Variants in MATN2 observed in about 807,000 individuals in gnomAD.
The protein encoded by MATN2 is matrilin-2.
In MATN2, 69 loss-of-function variants were observed where a neutral mutation model predicts 103.2. The ratio of observed to expected loss-of-function variants is 0.67; its 90% CI spans 0.55 to 0.82. MATN2 has a LOEUF of 0.82. Ranked by LOEUF, MATN2 falls within the 40% of genes least tolerant of loss-of-function variation. The pLI is 0.00. For missense variants in MATN2, 1,023 were observed against 1,211.5 expected, an observed-to-expected ratio of 0.84 and a Z score of 2.31; for synonymous variants, 429 against 450.2, an observed-to-expected ratio of 0.95 and a Z score of 0.60.
chr8:98,033,857 G>GCAGT (rs1199551350), intron 18 of MATN2, 198 bp downstream of exon 18: 1 of 554,616 alleles, frequency 1.8e-6, no homozygotes, highest in East Asian at 2.9e-5. Flanking sequence ...CTTATTAGCA[G>GCAGT]CAGTCAAGCA....
chr8:97,994,619 G>T lies in MATN2; in HGVS notation c.1204+17G>T, dbSNP rs776806458. ...CCTGCAGAAGTAAGTTACAGTGGGA[G>T]TTGGAGAAGGGCTTGTTCTGCTAAA... On this transcript the variant is annotated intron_variant, in intron 7 of 18. Transcript: ENST00000254898. The T allele has an allele frequency of 6.2e-6, 10 of 1,606,386 alleles. No homozygotes were observed. Among genetic ancestry groups the T allele is most frequent in the Non-Finnish European group, 7.6e-6 (9 of 1,177,784 alleles).
chr8:97,907,539 G>A (rs1217634774), intron 2 of MATN2, among the ~76,000 whole-genome samples: 1 of 149,720 alleles, frequency 6.7e-6, no homozygotes, highest in Admixed American at 6.6e-5. Flanking sequence ...AGCCAGGATG[G>A]CCTCGATCTC....
Position 98,007,350 on chromosome 8 carries a change from A to C in MATN2, c.1450+123A>C. 6.4e-7 allele frequency: 1 copy of C among 1,551,884 alleles called. No homozygotes were observed. The highest frequency in any genetic ancestry group is 8.8e-7 in the Non-Finnish European group (1 of 1,137,180). On this transcript the variant is annotated intron_variant, in intron 9 of 18. Transcript: ENST00000254898. This position sits in a 1 kb window ranked among gnomAD's most constrained non-coding sequence, Gnocchi z 4.2. The stretch of plus-strand genomic sequence containing the variant: ...CCTGCCCCTTGCTCTGCTCCAGGAG[A>C]TAGTGAGGATGTCCACTGGGACTGC...
At chr8:97,911,758 G>A (rs1357288809) in intron 2 of MATN2, among the ~76,000 whole-genome samples, 1 of 152,112 alleles carries the variant, frequency 6.6e-6, no homozygotes, top group Non-Finnish European at 1.5e-5. Context: ...CACCTAGCTG[G>A]TAGCAGAGTG....
intron 4 of MATN2, among the ~76,000 whole-genome samples, chr8:97,956,100 C>T (rs747516720): frequency 1.2e-4 from 18 of 152,196 alleles, no homozygotes; most frequent in Admixed American, 2.6e-4. Flanking sequence ...GGCAGTGTTA[C>T]GCCTCCGTGA....
intron 4 of MATN2, among the ~76,000 whole-genome samples, chr8:97,944,886 G>A (rs1209864900): frequency 2.0e-5 from 3 of 152,170 alleles, no homozygotes; most frequent in African/African-American, 7.2e-5. Context: ...TAATCTCCCA[G>A]ATGAAAAGCC....
intron 1 of MATN2, among the ~76,000 whole-genome samples, chr8:97,877,931 A>C (rs965276189): frequency 6.6e-6 from 1 of 152,192 alleles, no homozygotes; most frequent in Non-Finnish European, 1.5e-5. Flanking sequence ...TTTAGCATGC[A>C]TAGCTTCCAT....
At chr8:97,905,447 A>G (rs1234334889) in intron 2 of MATN2, among the ~76,000 whole-genome samples, 1 of 152,038 alleles carries the variant, frequency 6.6e-6, no homozygotes, top group African/African-American at 2.4e-5. Context: ...GAATTTGCCT[A>G]AATACCTCAT....
intron 4 of MATN2, among the ~76,000 whole-genome samples, chr8:97,955,421 G>A (rs912194826): frequency 6.6e-6 from 1 of 152,214 alleles, no homozygotes; most frequent in African/African-American, 2.4e-5. Context: ...ACAGGAGAGG[G>A]AGGAATCCCA....
chr8:98,009,998 G>A (rs1259187121), intron 10 of MATN2, among the ~76,000 whole-genome samples: 1 of 152,176 alleles, frequency 6.6e-6, no homozygotes, highest in Non-Finnish European at 1.5e-5. Flanking sequence ...CCTGGCACAG[G>A]GTCCGCTCCC....
chr8:97,997,114 C>T (rs753624705), intron 7 of MATN2, among the ~76,000 whole-genome samples: 1 of 152,192 alleles, frequency 6.6e-6, no homozygotes, highest in Non-Finnish European at 1.5e-5. Context: ...ACAGAAACTG[C>T]GACTGCCTTG....
Position 98,016,533 on chromosome 8 carries a change from T to C in MATN2, c.1574-7T>C. 1.2e-6 allele frequency: 2 copies of C among 1,604,292 alleles called. No individual in the cohort carries two copies. Among genetic ancestry groups the C allele is most frequent in the Non-Finnish European group, 1.7e-6 (2 of 1,174,574 alleles). ...TTCTGTTTCTCTAATTCCCATTTGA[T>C]TCTCAGAATTGGACTCTTGTGCTCT... On this transcript the variant is annotated splice_region_variant and splice_polypyrimidine_tract_variant and intron_variant, in intron 10 of 18. Transcript: ENST00000254898.
chr8:97,921,856 G>C (rs1417748972), intron 2 of MATN2, among the ~76,000 whole-genome samples: 1 of 152,150 alleles, frequency 6.6e-6, no homozygotes, highest in Admixed American at 6.5e-5. Context: ...GTACAGCCGG[G>C]GTTCCCAAAC....
intron 1 of MATN2, among the ~76,000 whole-genome samples, chr8:97,876,026 C>G (rs974406810): frequency 6.9e-6 from 1 of 144,894 alleles, no homozygotes; most frequent in Non-Finnish European, 1.5e-5. Context: ...GCAAACTTCT[C>G]TTTTTTTCTT....
At chr8:98,011,749 C>G (rs760780265) in intron 10 of MATN2, among the ~76,000 whole-genome samples, 1 of 152,136 alleles carries the variant, frequency 6.6e-6, no homozygotes, top group Non-Finnish European at 1.5e-5. Context: ...GTTTTAACAA[C>G]GTCTTATGTG....
At chr8:97,994,177 AGAG>A (rs148727677) in intron 6 of MATN2, among the ~76,000 whole-genome samples, 15 of 137,154 alleles carry the variant, frequency 1.1e-4, no homozygotes, top group Admixed American at 2.2e-4. Flanking sequence ...GAGGGAAAGA[AGAG>A]GAGGAGGGAG....
At chr8:97,924,135 G>A (rs1007952212) in intron 2 of MATN2, among the ~76,000 whole-genome samples, 3 of 151,948 alleles carry the variant, frequency 2.0e-5, no homozygotes, top group Non-Finnish European at 2.9e-5. Context: ...CTGATTCATC[G>A]TTCTCGTTTG....
At chr8:97,976,382 T>G (rs775147444) in intron 5 of MATN2, among the ~76,000 whole-genome samples, 12 of 152,244 alleles carry the variant, frequency 7.9e-5, no homozygotes, top group Non-Finnish European at 1.6e-4. Context: ...GTGCTGGGAT[T>G]ACAGGCGTGA....
chr8:97,953,186 T>G (rs907183961), intron 4 of MATN2, among the ~76,000 whole-genome samples: 1 of 152,076 alleles, frequency 6.6e-6, no homozygotes, highest in African/African-American at 2.4e-5. Flanking sequence ...ATTATAGGTG[T>G]GACCCATCGT....
Sources: allele counts gnomAD v4.1 joint callset (sites outside exome capture counted in the v4.1 genomes callset), GRCh38; gene constraint gnomAD v4.1.1; non-coding constraint Gnocchi (gnomAD v3.1); transcripts MANE v1.5; gene names NCBI Gene and HGNC (gene_info 2026-07-23, HGNC 2026-07-21).